FOXJ2: variants seen among roughly 807,000 people sequenced by gnomAD.
FOXJ2 encodes forkhead box J2.
FOXJ2 carries 18 observed loss-of-function variants against 68.4 expected under a neutral mutation model. The ratio of observed to expected loss-of-function variants is 0.26; its 90% CI spans 0.18 to 0.39. FOXJ2 has a LOEUF of 0.39. FOXJ2 is among the 10% of genes least tolerant of loss of function. FOXJ2 has a pLI of 1.00. For missense variants in FOXJ2, 670 were observed against 726.5 expected (o/e 0.92, Z 0.89); for synonymous variants, 274 against 263.2 (o/e 1.04, Z -0.40).
chr12:8,049,331 A>T (rs753852038), intron 8 of FOXJ2, 31 bp from the exon 9 acceptor site: 12 of 1,576,526 alleles, frequency 7.6e-6, no homozygotes, highest in Non-Finnish European at 1.0e-5. Flanking sequence ...TACCTCTGCA[A>T]GGTTTGCATT....
intron 6 of FOXJ2, among the ~76,000 whole-genome samples, chr12:8,045,206 G>A (rs143247553): frequency 1.3e-3 from 189 of 141,848 alleles, no homozygotes; most frequent in Admixed American, 9.8e-3. Flanking sequence ...ACCACGCTTG[G>A]CTAATTTTTG....
rs974708938 is a variant in FOXJ2, at chr12:8,044,991, C to CT, written c.817+39dup. The stretch of plus-strand genomic sequence containing the variant: ...TGGAGTTGGGATGGGTGCAGGGAGA[C>CT]TTTTTTATCTTGTTGAACAAGTGGG... On this transcript the variant is annotated intron_variant, in intron 6 of 10. Coordinates refer to ENST00000162391, the MANE Select transcript of FOXJ2 (RefSeq NM_018416.3). 3 of 1,579,198 alleles carry CT rather than the reference C, an allele frequency of 1.9e-6. No individual in the cohort carries two copies. The African/African-American group carries it at 4.1e-5, about 21-fold the overall frequency.
At position 8,033,020 on chromosome 12, in the gene FOXJ2, G is replaced by A. The variant is rs1315352098; in HGVS notation, c.-828G>A. Reference sequence around the variant, plus strand: ...GGAGCGGAGGCGGGAGCGGGGACGCGAGCAACCTCTCCCCCTGTTGGAGAG... The same window carrying A: ...GGAGCGGAGGCGGGAGCGGGGACGCAAGCAACCTCTCCCCCTGTTGGAGAG... On this transcript the variant is annotated 5_prime_UTR_variant, in exon 1 of 11. Transcript: ENST00000162391. The A allele has an allele frequency of 1.0e-5, 4 of 396,610 alleles. No homozygotes were observed. The highest frequency in any genetic ancestry group is 1.3e-5 in the Non-Finnish European group (3 of 225,410). 24.6% of individuals were successfully genotyped at this position (396,610 alleles called of 1,614,324 possible).
chr12:8,050,354 G>C, intron 9 of FOXJ2, 168 bp from the exon 10 acceptor site: 1 of 1,385,872 alleles, frequency 7.2e-7, no homozygotes, highest in South Asian at 1.8e-5. Context: ...CCTCAGTGGT[G>C]AGGACTGACA....
intron 2 of FOXJ2, 126 bp from the exon 3 acceptor site, chr12:8,042,532 C>G: frequency 1.4e-6 from 1 of 722,480 alleles, no homozygotes; most frequent in South Asian, 1.7e-5. Context: ...TTAAGAGGTA[C>G]TGAGCTTACC....
intron 4 of FOXJ2, 57 bp downstream of exon 4, chr12:8,043,826 C>T: frequency 2.5e-6 from 4 of 1,611,482 alleles, no homozygotes; most frequent in South Asian, 1.1e-5. Context: ...CCTTCCACCT[C>T]CTCTTATGGA....
At chr12:8,036,234 G>C (rs984437669) in intron 1 of FOXJ2, among the ~76,000 whole-genome samples, 1 of 152,120 alleles carries the variant, frequency 6.6e-6, no homozygotes, top group African/African-American at 2.4e-5. Flanking sequence ...TTCTGTATGG[G>C]GCAGGAAGTC....
chr12:8,050,654 T>C (rs747361179), intron 10 of FOXJ2, 34 bp downstream of exon 10: 4 of 1,610,838 alleles, frequency 2.5e-6, no homozygotes, highest in Non-Finnish European at 3.4e-6. Context: ...AAAACCGTTG[T>C]ACTCTGATGA....
At position 8,050,585 on chromosome 12, in the gene FOXJ2, T is replaced by C. The variant is rs1018199743; in HGVS notation, c.1601T>C (p.Ile534Thr). The C allele has an allele frequency of 6.2e-7, 1 of 1,607,102 alleles. No individual in the cohort carries two copies. The highest frequency in any genetic ancestry group is 8.5e-7 in the Non-Finnish European group (1 of 1,175,690). Residue 534 changes from isoleucine (I) to threonine (T), a missense_variant, in exon 10 of 11, where the codon ATC becomes ACC. Ile to Thr is a moderately conservative substitution (Grantham distance 89, BLOSUM62 -1). Coordinates refer to ENST00000162391, the MANE Select transcript of FOXJ2 (RefSeq NM_018416.3). ...CCTGGCCCATCACCAATGTACCCAA[T>C]CCCCACCCAGGACTCAGCAGGATAC... ...LYPGPSPMYPIPTQDSAGYNR... is the reference protein window; with the variant it reads ...LYPGPSPMYPTPTQDSAGYNR...
In FOXJ2 at chr12:8,047,937, G is replaced by T. The variant is rs1947060630; in HGVS notation, c.873G>T (p.Gln291His). The T allele has an allele frequency of 6.2e-7, 1 of 1,611,558 alleles. No homozygotes were observed. Among genetic ancestry groups the T allele is most frequent in the Admixed American group, 1.7e-5 (1 of 59,862 alleles). ...IPPSNNYYMY[Q>H]QQQPPPPQQQ... ...CCTCGAACAACTACTACATGTATCA[G>T]CAGCAGCAGCCACCGCCACCTCAAC... The change falls in exon 7 of 11, where the codon CAG becomes CAT. Residue 291 changes from glutamine (Q) to histidine (H), a missense_variant. Transcript: ENST00000162391.
At position 8,040,844 on chromosome 12, in the gene FOXJ2, A is replaced by G. The variant is rs1946955700; in HGVS notation, c.333+679A>G. The stretch of plus-strand genomic sequence containing the variant: ...GCATCACTCCTTCCTACCTAGAGGT[A>G]GGAGTCTAATCTAGAGCATCAGATT... On this transcript the variant is annotated intron_variant, in intron 2 of 10. Coordinates refer to ENST00000162391, the MANE Select transcript of FOXJ2 (RefSeq NM_018416.3). This position sits in a 1 kb window ranked among gnomAD's most constrained non-coding sequence, Gnocchi z 4.0. 6.6e-6 allele frequency among the ~76,000 whole-genome samples: 1 copy of G among 152,228 alleles called. No homozygotes were observed. Among genetic ancestry groups the G allele is most frequent in the Admixed American group, 6.5e-5 (1 of 15,282 alleles).
chr12:8,039,136 A>G (rs1946933658), intron 1 of FOXJ2, among the ~76,000 whole-genome samples: 1 of 151,994 alleles, frequency 6.6e-6, no homozygotes, highest in Admixed American at 6.6e-5. Context: ...CTCTGGTGGT[A>G]ATGTATGCTG....
chr12:8,044,287 A>G (rs1037338315), intron 5 of FOXJ2, among the ~76,000 whole-genome samples, 196 bp downstream of exon 5: 4 of 152,228 alleles, frequency 2.6e-5, no homozygotes, highest in African/African-American at 9.6e-5. Flanking sequence ...AACATCAGGA[A>G]AAAAAAGCTG....
At chr12:8,044,689 G>A in intron 5 of FOXJ2, 71 bp from the exon 6 acceptor site, 1 of 1,529,904 alleles carries the variant, frequency 6.5e-7, no homozygotes, top group Non-Finnish European at 9.0e-7. Context: ...GGAGAGCCTG[G>A]TGACCATTGA....
At chr12:8,037,206 T>C (rs774118580) in intron 1 of FOXJ2, among the ~76,000 whole-genome samples, 24 of 152,276 alleles carry the variant, frequency 1.6e-4, no homozygotes, top group Admixed American at 6.5e-4. Context: ...TCTCTGAGGC[T>C]CTACATGCTG....
chr12:8,048,100 C>A lies in FOXJ2; in HGVS notation c.1036C>A (p.Pro346Thr), dbSNP rs375557180. The A allele has an allele frequency of 1.9e-5, 31 of 1,612,386 alleles. 2 individuals carry two copies. In the South Asian group the frequency reaches 3.1e-4, roughly 16 times the overall value. Reference sequence around the variant, plus strand: ...CACCCCAAGCACAGATGGTTGTACCCCACCAGGGGGAAAGCAAGCTGGGGC... The same window carrying A: ...CACCCCAAGCACAGATGGTTGTACCACACCAGGGGGAAAGCAAGCTGGGGC... ...LHTPSTDGCTPPGGKQAGAEG... is the reference protein window; with the variant it reads ...LHTPSTDGCTTPGGKQAGAEG... The change falls in exon 7 of 11, where the codon CCA becomes ACA. Residue 346 changes from proline to threonine, a missense_variant. Around this residue, in one of 2 missense-constraint regions of FOXJ2, gnomAD observed 555 missense variants for 562.2 expected, o/e 0.99. Coordinates refer to ENST00000162391, the MANE Select transcript of FOXJ2 (RefSeq NM_018416.3).
intron 2 of FOXJ2, 86 bp from the exon 3 acceptor site, chr12:8,042,571 GT>G: frequency 1.8e-6 from 2 of 1,132,888 alleles, no homozygotes; most frequent in Non-Finnish European, 2.7e-6. Flanking sequence ...GGTGTATTAT[GT>G]TTTTTTGTGT....
rs373410301 is a variant in FOXJ2 at position 8,048,730 on chromosome 12, C to A, written c.1259C>A (p.Ser420Tyr). The A allele has an allele frequency of 7.4e-6, 12 of 1,614,154 alleles. No homozygotes were observed. Among genetic ancestry groups the A allele is most frequent in the Non-Finnish European group, 1.0e-5 (12 of 1,180,026 alleles). The change falls in exon 8 of 11, where the codon TCT becomes TAT. Residue 420 changes from serine to tyrosine, a missense_variant. This residue lies in a region of FOXJ2 where 555 missense variants were observed against 562.2 expected (regional missense o/e 0.99). Transcript: ENST00000162391. ...FPSDWCSNID[S>Y]LKESFKMVNR... is the part of the protein sequence containing the mutation. ...TCTGACTGGTGCTCTAATATTGACT[C>A]TTTAAAGGAAAGCTTCAAGATGGTG... is the stretch of plus-strand genomic sequence containing the variant.
Position 8,047,955 on chromosome 12 carries a change from A to G in FOXJ2, c.891A>G (p.Pro297=). 2 of 1,613,052 alleles carry G rather than the reference A, an allele frequency of 1.2e-6. No homozygotes were observed. The highest frequency in any genetic ancestry group is 1.7e-6 in the Non-Finnish European group (2 of 1,179,624). The change falls in exon 7 of 11, where the codon CCA becomes CCG. Residue 297 remains proline (P), a synonymous_variant. Coordinates refer to ENST00000162391, the MANE Select transcript of FOXJ2 (RefSeq NM_018416.3). ...TGTATCAGCAGCAGCAGCCACCGCC[A>G]CCTCAACAGCAGCAGCAGCAGCAGC... ...YYMYQQQQPP[P]PQQQQQQQQP...
Sources: allele counts gnomAD v4.1 joint callset (sites outside exome capture counted in the v4.1 genomes callset), GRCh38; gene constraint gnomAD v4.1.1; regional missense constraint gnomAD v4.1.1; non-coding constraint Gnocchi (gnomAD v3.1); transcripts MANE v1.5; gene names NCBI Gene and HGNC (gene_info 2026-07-23, HGNC 2026-07-21).